The following PTPDC1 variants were observed in gnomAD, a reference collection of about 807,000 sequenced individuals.
The protein encoded by PTPDC1 is protein tyrosine phosphatase domain containing 1.
A neutral mutation model predicts 75.3 loss-of-function variants in PTPDC1; 53 were observed. The ratio of observed to expected loss-of-function variants is 0.70; its 90% confidence interval spans 0.56 to 0.88. The LOEUF is 0.88. Among genes scored for constraint, PTPDC1 ranks in the 40% least tolerant of loss-of-function variants. PTPDC1 has a pLI of 0.00. For synonymous variants in PTPDC1, 349 were observed against 366.2 expected (o/e 0.95, Z 0.54); for missense variants, 925 against 998.6 (o/e 0.93, Z 0.99).
At chr9:94,100,686 T>C (rs558187609) in intron 6 of PTPDC1, 1 of 152,260 alleles carries the variant, frequency 6.6e-6, no homozygotes, top group Non-Finnish European at 1.5e-5. Context: ...AAGACATGTA[T>C]TACAGTCTCT....
intron 4 of PTPDC1, among the ~76,000 whole-genome samples, chr9:94,091,315 C>G (rs1486363694): frequency 6.6e-6 from 1 of 152,060 alleles, no homozygotes; most frequent in Admixed American, 6.6e-5. Context: ...TTGTCAAAGG[C>G]TTTTTTCTGC....
At chr9:94,082,802 C>T (rs1048557240), upstream of PTPDC1, among the ~76,000 whole-genome samples, 5 of 152,126 alleles carry the variant, frequency 3.3e-5, no homozygotes, top group Non-Finnish European at 5.9e-5. Context: ...TTGAGGTCAA[C>T]CCAGGGCTCA....
At chr9:94,065,575 T>C (rs1826275990) in intron 2 of PTPDC1, among the ~76,000 whole-genome samples, 1 of 152,206 alleles carries the variant, frequency 6.6e-6, no homozygotes, top group Non-Finnish European at 1.5e-5. Context: ...GTTCAACACT[T>C]GCTAGGAACA....
chr9:94,075,712 C>T (rs1004819079), intron 2 of PTPDC1, among the ~76,000 whole-genome samples: 20 of 152,114 alleles, frequency 1.3e-4, no homozygotes, highest in African/African-American at 4.8e-4. Flanking sequence ...GTTTCTAAGA[C>T]GTAAGGATGA....
intron 2 of PTPDC1, among the ~76,000 whole-genome samples, chr9:94,086,035 A>G (rs1827063004): frequency 6.6e-6 from 1 of 152,258 alleles, no homozygotes; most frequent in South Asian, 2.1e-4. Context: ...CATCTGAAAA[A>G]TTCTGATAAA....
At chr9:94,037,976 G>A (rs527565077) in intron 1 of PTPDC1, 9 of 285,304 alleles carry the variant, frequency 3.2e-5, no homozygotes, top group African/African-American at 1.1e-4. Flanking sequence ...AGAGTGGGAC[G>A]TCCGGCTTCG....
chr9:94,061,020 C>T (rs1000872817), intron 1 of PTPDC1, among the ~76,000 whole-genome samples: 16 of 152,144 alleles, frequency 1.1e-4, no homozygotes, highest in Non-Finnish European at 2.9e-5. Flanking sequence ...AGTCCAAAGT[C>T]TTATCAGAGA....
chr9:94,109,281 G>C lies in PTPDC1; in HGVS notation c.*1337G>C, dbSNP rs1211329354. On this transcript the variant is annotated 3_prime_UTR_variant, in exon 9 of 9. Coordinates refer to ENST00000620992, the MANE Select transcript of PTPDC1 (RefSeq NM_001253829.2). ...ATCAGACTAATTTCGAACTAAAGAA[G>C]TTACTGCTTAAAGACGGAATTTCAG... The C allele has an allele frequency of 6.6e-6, 1 of 152,156 alleles. No homozygotes were observed. Among genetic ancestry groups the C allele is most frequent in the Non-Finnish European group, 1.5e-5 (1 of 68,030 alleles). The allele number at this position is 152,156 out of a possible 1,614,324, so 9.4% of individuals were successfully genotyped here.
chr9:94,085,331 T>A lies in PTPDC1; in HGVS notation c.325T>A (p.Ser109Thr). 6.2e-7 allele frequency: 1 copy of A among 1,614,204 alleles called. No individual in the cohort carries two copies. The highest frequency in any genetic ancestry group is 2.2e-5 in the East Asian group (1 of 44,886). ...TGTCATTCCTGGACACATGGCATGTTCCATGGCGTGTGGCGGTAGAGCTTG... is the reference window on the plus strand; with the variant it reads ...TGTCATTCCTGGACACATGGCATGTACCATGGCGTGTGGCGGTAGAGCTTG... ...RHVIPGHMAC[S>T]MACGGRACKY... The change falls in exon 2 of 9, where the codon TCC (serine) becomes ACC (threonine). Residue 109 changes from serine (S) to threonine (T), a missense_variant. Transcript: ENST00000620992.
At chr9:94,091,326 ATC>A (rs935045293) in intron 4 of PTPDC1, among the ~76,000 whole-genome samples, 63 of 152,292 alleles carry the variant, frequency 4.1e-4, no homozygotes, top group African/African-American at 1.4e-3. Context: ...TTTTTTCTGC[ATC>A]TATTGAGATA....
chr9:94,055,771 G>A (rs1825913643), intron 1 of PTPDC1, among the ~76,000 whole-genome samples: 1 of 152,088 alleles, frequency 6.6e-6, no homozygotes, highest in African/African-American at 2.4e-5. Flanking sequence ...AAAAATCAGT[G>A]GTTCCCAGGG....
intron 1 of PTPDC1, among the ~76,000 whole-genome samples, chr9:94,062,765 A>C (rs1826181600): frequency 6.6e-6 from 1 of 152,186 alleles, no homozygotes; most frequent in Non-Finnish European, 1.5e-5. Flanking sequence ...CACCTCCAAC[A>C]CTGGGGAACA....
At chr9:94,056,058 T>C (rs981541677) in intron 1 of PTPDC1, among the ~76,000 whole-genome samples, 1 of 152,136 alleles carries the variant, frequency 6.6e-6, no homozygotes, top group African/African-American at 2.4e-5. Flanking sequence ...ATGGGAAGCC[T>C]CTATACCTTC....
intron 2 of PTPDC1, among the ~76,000 whole-genome samples, chr9:94,086,092 G>A (rs2117978138): frequency 6.6e-6 from 1 of 152,308 alleles, no homozygotes; most frequent in East Asian, 1.9e-4. Context: ...AATTCTAGTA[G>A]TGAATTATTT....
chr9:94,102,010 G>A (rs1393501103), intron 7 of PTPDC1, among the ~76,000 whole-genome samples: 1 of 152,110 alleles, frequency 6.6e-6, no homozygotes, highest in Non-Finnish European at 1.5e-5. Context: ...TTACCAATAT[G>A]TATATTAACT....
At chr9:94,057,385 A>G (rs1825976575) in intron 1 of PTPDC1, among the ~76,000 whole-genome samples, 1 of 152,172 alleles carries the variant, frequency 6.6e-6, no homozygotes, top group African/African-American at 2.4e-5. Flanking sequence ...CATGCAGCCC[A>G]TTACTAACTA....
At chr9:94,095,032 C>T (rs932424304) in intron 4 of PTPDC1, among the ~76,000 whole-genome samples, 1 of 152,224 alleles carries the variant, frequency 6.6e-6, no homozygotes, top group Non-Finnish European at 1.5e-5. Flanking sequence ...AGAAATCACC[C>T]GTCTTCTGCG....
chr9:94,044,116 G>A (rs755624312), intron 1 of PTPDC1, among the ~76,000 whole-genome samples: 4 of 151,962 alleles, frequency 2.6e-5, no homozygotes, highest in African/African-American at 4.8e-5. Context: ...CTTCTTTTCC[G>A]AGTGGAATTG....
chr9:94,056,961 G>T (rs34345776), intron 1 of PTPDC1, among the ~76,000 whole-genome samples: 4 of 152,122 alleles, frequency 2.6e-5, no homozygotes, highest in African/African-American at 9.7e-5. Context: ...AATAATATGC[G>T]ATTTTGCAGT....
Sources: gnomAD v4.1 joint callset for allele counts (sites outside exome capture counted in the v4.1 genomes callset) on GRCh38, gnomAD v4.1.1 for gene constraint, MANE v1.5 for transcripts, NCBI Gene and HGNC (gene_info 2026-07-23, HGNC 2026-07-21) for gene names.